Variants in SV2B observed in about 807,000 individuals in gnomAD.
SV2B encodes the protein synaptic vesicle glycoprotein 2B, also known as solute carrier family 22 member B2.
SV2B carries 41 observed loss-of-function variants against 73.9 expected under a neutral mutation model. That is an observed-to-expected ratio of 0.56 (90% confidence interval 0.43 to 0.72). The LOEUF (loss-of-function observed/expected upper bound fraction) is 0.72. Ranked by LOEUF, SV2B falls within the 30% of genes least tolerant of loss-of-function variation. SV2B has a pLI of 0.00. For missense variants in SV2B, 764 were observed against 857.8 expected, an observed-to-expected ratio of 0.89 and a Z score of 1.37; for synonymous variants, 314 against 314.2, an observed-to-expected ratio of 1.00 and a Z score of 0.01.
chr15:91,167,377 C>T (rs2043953589), intron 1 of SV2B, among the ~76,000 whole-genome samples: 1 of 152,102 alleles, frequency 6.6e-6, no homozygotes, highest in Non-Finnish European at 1.5e-5. Flanking sequence ...TGGTTTAAGG[C>T]AAATTTATTC....
intron 10 of SV2B, among the ~76,000 whole-genome samples, chr15:91,282,320 A>AT (rs1332886088): frequency 6.6e-6 from 1 of 152,236 alleles, no homozygotes; most frequent in African/African-American, 2.4e-5. Flanking sequence ...ATCTGTTCAC[A>AT]TTTTTTGCAT....
chr15:91,211,493 GCTT>G (rs747632659), intron 1 of SV2B, among the ~76,000 whole-genome samples: 309 of 147,600 alleles, frequency 2.1e-3, no homozygotes, highest in Non-Finnish European at 3.6e-3. Flanking sequence ...TGCTGCTGCT[GCTT>G]CTTCTTCTTC....
intron 1 of SV2B, among the ~76,000 whole-genome samples, chr15:91,164,323 G>T (rs533785374): frequency 6.6e-6 from 1 of 152,282 alleles, no homozygotes; most frequent in South Asian, 2.1e-4. Flanking sequence ...CAAAGCAGGA[G>T]GCATCATGCT....
rs921023937 is a variant in SV2B, at chr15:91,122,744, T to C, written c.-392+22381T>C. On this transcript the variant is annotated intron_variant, in intron 1 of 12. Coordinates refer to ENST00000394232, the MANE Select transcript of SV2B (RefSeq NM_001323032.3). This position sits in a 1 kb window ranked among gnomAD's most constrained non-coding sequence, Gnocchi z 4.3. Reference sequence around the variant, plus strand: ...CTGGAGGATATTACATTAAATGAAATACGCCGGGCACAGAGAGACAAACAC... The same window carrying C: ...CTGGAGGATATTACATTAAATGAAACACGCCGGGCACAGAGAGACAAACAC... 6.6e-6 allele frequency among the ~76,000 whole-genome samples: 1 copy of C among 152,174 alleles called. No homozygotes were observed. Among genetic ancestry groups the C allele is most frequent in the Non-Finnish European group, 1.5e-5 (1 of 68,034 alleles).
intron 7 of SV2B, 152 bp downstream of exon 7, chr15:91,266,844 C>T (rs1467646531): frequency 1.8e-6 from 1 of 563,218 alleles, no homozygotes; most frequent in East Asian, 3.0e-5. Flanking sequence ...TGGGCTCCAG[C>T]CCACGTCTGC....
intron 1 of SV2B, among the ~76,000 whole-genome samples, chr15:91,209,651 A>C (rs1405019418): frequency 6.6e-6 from 1 of 152,174 alleles, no homozygotes; most frequent in Non-Finnish European, 1.5e-5. Flanking sequence ...AGAGACAGCC[A>C]GGTAGAGACC....
At chr15:91,247,910 A>C (rs2047305941) in intron 2 of SV2B, among the ~76,000 whole-genome samples, 1 of 152,214 alleles carries the variant, frequency 6.6e-6, no homozygotes, top group Non-Finnish European at 1.5e-5. Flanking sequence ...TAAGATTGCA[A>C]ACTGGTAGGT....
rs186909525 is a variant in SV2B at position 91,110,646 on chromosome 15, C to T, written c.-392+10283C>T. 1.3e-5 allele frequency among the ~76,000 whole-genome samples: 2 copies of T among 152,238 alleles called. No individual in the cohort carries two copies. The highest frequency in any genetic ancestry group is 2.4e-5 in the African/African-American group (1 of 41,534). ...GGCTCTGCGGGAGAGGAAGAGGCAC[C>T]GTGGGGTGGCCTGCCCTAGGCAAAG... is the stretch of plus-strand genomic sequence containing the variant. On this transcript the variant is annotated intron_variant, in intron 1 of 12. Transcript: ENST00000394232. This position sits in a 1 kb window ranked among gnomAD's most constrained non-coding sequence, Gnocchi z 5.4.
intron 1 of SV2B, among the ~76,000 whole-genome samples, chr15:91,142,549 T>G (rs958445633): frequency 2.0e-5 from 3 of 152,120 alleles, no homozygotes; most frequent in African/African-American, 7.2e-5. Context: ...AATGATAAGA[T>G]CCTATGACAA....
intron 6 of SV2B, among the ~76,000 whole-genome samples, chr15:91,263,193 C>T (rs908150427): frequency 7.3e-5 from 11 of 150,074 alleles, no homozygotes; most frequent in Admixed American, 1.3e-4. Flanking sequence ...GACACACAGA[C>T]ACAGAGACAC....
chr15:91,153,159 G>A (rs1353644711), intron 1 of SV2B, among the ~76,000 whole-genome samples: 1 of 152,180 alleles, frequency 6.6e-6, no homozygotes, highest in Non-Finnish European at 1.5e-5. Flanking sequence ...TTTTAGAAGA[G>A]CATTAATCCC....
chr15:91,195,789 A>C (rs1167530237), intron 1 of SV2B, among the ~76,000 whole-genome samples: 1 of 152,184 alleles, frequency 6.6e-6, no homozygotes, highest in Non-Finnish European at 1.5e-5. Flanking sequence ...TTAGATATGC[A>C]AAAGTACAGC....
rs2046425928 is a variant in SV2B, at chr15:91,227,593, A to G, written c.451+879A>G. 6.6e-6 allele frequency among the ~76,000 whole-genome samples: 1 copy of G among 152,228 alleles called. No homozygotes were observed. Among genetic ancestry groups the G allele is most frequent in the East Asian group, 1.9e-4 (1 of 5,192 alleles). On this transcript the variant is annotated intron_variant, in intron 2 of 12. Coordinates refer to ENST00000394232, the MANE Select transcript of SV2B (RefSeq NM_001323032.3). This position sits in a 1 kb window ranked among gnomAD's most constrained non-coding sequence, Gnocchi z 4.5. ...TCAAATTCTCATTCAAGACCAGGACATGCTTATGACCCTCAAGAGCTCAAA... is the reference window on the plus strand; with the variant it reads ...TCAAATTCTCATTCAAGACCAGGACGTGCTTATGACCCTCAAGAGCTCAAA...
chr15:91,257,637 C>G (rs1322242825), intron 4 of SV2B, among the ~76,000 whole-genome samples: 1 of 152,142 alleles, frequency 6.6e-6, no homozygotes, highest in Non-Finnish European at 1.5e-5. Context: ...GTCCTGAACC[C>G]TTTGCGCTGG....
intron 2 of SV2B, among the ~76,000 whole-genome samples, chr15:91,228,214 C>T (rs1220900634): frequency 6.6e-6 from 1 of 152,112 alleles, no homozygotes; most frequent in East Asian, 1.9e-4. Context: ...TCAGATATAA[C>T]CCTGAGGGCA....
At position 91,249,068 on chromosome 15, in the gene SV2B, TCA is replaced by T. The variant is rs59552488; in HGVS notation, c.452-2712_452-2711del. 7.2e-3 allele frequency among the ~76,000 whole-genome samples: 1,027 copies of T among 142,092 alleles called. 10 individuals are homozygous for T. Among genetic ancestry groups the T allele is most frequent in the African/African-American group, 0.018 (664 of 37,118 alleles). The allele number at this position is 142,092 out of a possible 152,430, so 93.2% of individuals were successfully genotyped here. ...TGCATGCATCCATACATCTACGTTTTCACACACACACACACACACACACACAC... is the reference window on the plus strand; with the variant it reads ...TGCATGCATCCATACATCTACGTTTTCACACACACACACACACACACACAC... On this transcript the variant is annotated intron_variant, in intron 2 of 12. Coordinates refer to ENST00000394232, the MANE Select transcript of SV2B (RefSeq NM_001323032.3).
chr15:91,262,823 G>A (rs986332911), intron 6 of SV2B, among the ~76,000 whole-genome samples: 4 of 152,224 alleles, frequency 2.6e-5, no homozygotes, highest in African/African-American at 9.6e-5. Context: ...ATGGCCTGTA[G>A]TGCTCCCGCT....
Position 91,240,044 on chromosome 15 carries a change from G to A in SV2B, c.452-11775G>A, listed in dbSNP as rs1188564978. On this transcript the variant is annotated intron_variant, in intron 2 of 12. Transcript: ENST00000394232. This position sits in a 1 kb window ranked among gnomAD's most constrained non-coding sequence, Gnocchi z 4.6. ...ATCCCTTAGGGTTGAGTGTGTCTGA[G>A]GAGGCAATCTCTCTGAACACGTTTA... Among the ~76,000 whole-genome samples, 1 of 152,202 alleles carries A rather than the reference G, an allele frequency of 6.6e-6. No homozygotes were observed. The highest frequency in any genetic ancestry group is 2.4e-5 in the African/African-American group (1 of 41,436).
At chr15:91,120,868 A>C (rs1247712567) in intron 1 of SV2B, among the ~76,000 whole-genome samples, 1 of 151,994 alleles carries the variant, frequency 6.6e-6, no homozygotes, top group Non-Finnish European at 1.5e-5. Flanking sequence ...TAGAGAACTT[A>C]ATACAATCTA....
Sources: allele counts gnomAD v4.1 joint callset (sites outside exome capture counted in the v4.1 genomes callset), GRCh38; gene constraint gnomAD v4.1.1; non-coding constraint Gnocchi (gnomAD v3.1); transcripts MANE v1.5; gene names NCBI Gene and HGNC (gene_info 2026-07-23, HGNC 2026-07-21).